SLC7A13: variants seen among roughly 807,000 people sequenced by gnomAD.
SLC7A13 encodes solute carrier family 7 member 13.
SLC7A13 carries 31 observed loss-of-function variants against 32.0 expected under a neutral mutation model. That is an observed-to-expected ratio of 0.97 (90% CI 0.73 to 1.31). The LOEUF (loss-of-function observed/expected upper bound fraction) is 1.31. Ranked by LOEUF, SLC7A13 falls within the 50% of genes most tolerant of loss-of-function variation. The pLI is 0.00. For missense variants in SLC7A13, 633 were observed against 546.9 expected (o/e 1.16, Z -1.57); for synonymous variants, 232 against 206.9 (o/e 1.12, Z -1.04).
At chr8:86,226,917 A>G (rs1820396411) in intron 1 of SLC7A13, among the ~76,000 whole-genome samples, 1 of 152,176 alleles carries the variant, frequency 6.6e-6, no homozygotes, top group Non-Finnish European at 1.5e-5. Flanking sequence ...TTGATTTCCA[A>G]GGTAATTATA....
chr8:86,226,632 G>A (rs1820391819), intron 1 of SLC7A13, among the ~76,000 whole-genome samples: 1 of 152,052 alleles, frequency 6.6e-6, no homozygotes, highest in Admixed American at 6.6e-5. Context: ...CCAACCCTAT[G>A]CCGTTTCATC....
At chr8:86,216,597 T>C (rs547871238) in intron 3 of SLC7A13, among the ~76,000 whole-genome samples, 40 of 152,242 alleles carry the variant, frequency 2.6e-4, no homozygotes, top group Non-Finnish European at 4.0e-4. Context: ...TCAACCATAG[T>C]TGGTGATGAG....
At chr8:86,217,999 T>C (rs1161604818) in intron 2 of SLC7A13, among the ~76,000 whole-genome samples, 168 bp from the exon 3 acceptor site, 3 of 152,190 alleles carry the variant, frequency 2.0e-5, no homozygotes, top group Non-Finnish European at 4.4e-5. Context: ...TAACACCTTA[T>C]AAAGGTGTCT....
chr8:86,215,454 A>C (rs1586141643), intron 3 of SLC7A13: 1 of 225,064 alleles, frequency 4.4e-6, no homozygotes, highest in East Asian at 1.6e-4. Context: ...TTGTGAGGTC[A>C]AGGTGGATGG....
At chr8:86,216,345 C>A (rs1820181723) in intron 3 of SLC7A13, among the ~76,000 whole-genome samples, 1 of 152,204 alleles carries the variant, frequency 6.6e-6, no homozygotes, top group African/African-American at 2.4e-5. Context: ...GCTCTCTGAG[C>A]ATCCTCTGCA....
chr8:86,224,294 T>C (rs1820353570), intron 1 of SLC7A13, among the ~76,000 whole-genome samples: 1 of 152,148 alleles, frequency 6.6e-6, no homozygotes, highest in South Asian at 2.1e-4. Context: ...TACTCTCTTA[T>C]GTGGAATGTT....
chr8:86,214,331 C>T lies in SLC7A13; in HGVS notation c.*82G>A, dbSNP rs1032524060. 4 of 756,472 alleles carry T rather than the reference C, an allele frequency of 5.3e-6. No homozygotes were observed. The highest frequency in any genetic ancestry group is 4.2e-6 in the Non-Finnish European group (2 of 474,564). The allele number at this position is 756,472 out of a possible 1,614,324, so 46.9% of individuals were successfully genotyped here. A position where few individuals can be genotyped will look rare whatever the true frequency, so the allele number is the denominator to read the frequency against. On this transcript the variant is annotated 3_prime_UTR_variant, in exon 4 of 4. Transcript: ENST00000297524. ...CCATAGGAATTTCACCATGAATGTT[C>T]TATCATATGTTTAACCTTGATTTGG...
intron 1 of SLC7A13, 89 bp from the exon 2 acceptor site, chr8:86,223,192 A>C: frequency 7.8e-7 from 1 of 1,279,770 alleles, no homozygotes; most frequent in Non-Finnish European, 1.0e-6. Context: ...TATTTGTATA[A>C]ATTAATGGGG....
intron 2 of SLC7A13, among the ~76,000 whole-genome samples, chr8:86,221,316 T>C (rs900080083): frequency 6.6e-6 from 1 of 152,152 alleles, no homozygotes; most frequent in Non-Finnish European, 1.5e-5. Flanking sequence ...TTATTGGATA[T>C]TTTTATGGTT....
At chr8:86,224,778 C>T (rs1344446571) in intron 1 of SLC7A13, among the ~76,000 whole-genome samples, 1 of 152,050 alleles carries the variant, frequency 6.6e-6, no homozygotes, top group Admixed American at 6.6e-5. Context: ...GAAAATTTAT[C>T]TCAAGAATTT....
At chr8:86,222,105 G>T (rs900362689) in intron 2 of SLC7A13, among the ~76,000 whole-genome samples, 6 of 151,984 alleles carry the variant, frequency 3.9e-5, no homozygotes, top group Admixed American at 3.9e-4. Context: ...ACCCTGCAGG[G>T]CAGTAACATA....
chr8:86,217,229 A>G lies in SLC7A13; in HGVS notation c.1179+241T>C, dbSNP rs1011316091. Among the ~76,000 whole-genome samples the G allele has an allele frequency of 2.6e-5, 4 of 152,178 alleles. 1 individual carries two copies. In the South Asian group the frequency reaches 8.3e-4, roughly 32 times the overall value. On this transcript the variant is annotated intron_variant, in intron 3 of 3. Coordinates refer to ENST00000297524, the MANE Select transcript of SLC7A13 (RefSeq NM_138817.3). ...CAAAAGACTCATAATGATCTGTCCA[A>G]CCACCCAGAGAACTATTTTTCTCTC...
At position 86,214,329 on chromosome 8, in the gene SLC7A13, T is replaced by C; in HGVS notation, c.*84A>G. On this transcript the variant is annotated 3_prime_UTR_variant, in exon 4 of 4. Transcript: ENST00000297524. ...TACCATAGGAATTTCACCATGAATG[T>C]TCTATCATATGTTTAACCTTGATTT... 1.3e-6 allele frequency: 1 copy of C among 748,044 alleles called. No homozygotes were observed. Among genetic ancestry groups the C allele is most frequent in the South Asian group, 1.9e-5 (1 of 51,422 alleles). The allele number at this position is 748,044 out of a possible 1,614,324, so 46.3% of individuals were successfully genotyped here.
chr8:86,227,505 T>G (rs932463527), intron 1 of SLC7A13, among the ~76,000 whole-genome samples: 2 of 152,200 alleles, frequency 1.3e-5, no homozygotes, highest in Non-Finnish European at 2.9e-5. Context: ...ATATCTATGC[T>G]TCTCTGCTCT....
In SLC7A13 at chr8:86,230,295, A is replaced by C. The variant is rs759581057; in HGVS notation, c.-18T>G. ...CTATCCATTGTAATTGAAGAGTTTT[A>C]AAATTCTATATAAATTACAATTTCT... On this transcript the variant is annotated 5_prime_UTR_variant, in exon 1 of 4. Coordinates refer to ENST00000297524, the MANE Select transcript of SLC7A13 (RefSeq NM_138817.3). 8 of 1,519,018 alleles carry C rather than the reference A, an allele frequency of 5.3e-6. No homozygotes were observed. The highest frequency in any genetic ancestry group is 1.8e-4 in the Middle Eastern group (1 of 5,648). The allele number at this position is 1,519,018 out of a possible 1,614,324, so 94.1% of individuals were successfully genotyped here.
At chr8:86,228,319 C>T (rs1466245332) in intron 1 of SLC7A13, among the ~76,000 whole-genome samples, 1 of 151,884 alleles carries the variant, frequency 6.6e-6, no homozygotes, top group Non-Finnish European at 1.5e-5. Context: ...GAGCCTCTTT[C>T]GGGCTCCTAT....
intron 3 of SLC7A13, 132 bp downstream of exon 3, chr8:86,217,335 AGAT>A: frequency 1.2e-6 from 1 of 815,564 alleles, no homozygotes; most frequent in Middle Eastern, 4.0e-4. Flanking sequence ...AACCAAGACT[AGAT>A]TATTCTCATG....
At position 86,228,869 on chromosome 8, in the gene SLC7A13, G is replaced by A. The variant is rs145148279; in HGVS notation, c.685+724C>T. Among the ~76,000 whole-genome samples the A allele has an allele frequency of 1.3e-3, 197 of 151,826 alleles. 4 individuals carry two copies. In the South Asian group the frequency reaches 0.025, roughly 19 times the overall value. ...CTCAAAAAAAAAAAAAATCTGAGGA[G>A]AGGGATCTCACTATTTTGCCCAGGT... On this transcript the variant is annotated intron_variant, in intron 1 of 3. Coordinates refer to ENST00000297524, the MANE Select transcript of SLC7A13 (RefSeq NM_138817.3).
chr8:86,222,097 C>T (rs1040228249), intron 2 of SLC7A13, among the ~76,000 whole-genome samples: 5 of 152,038 alleles, frequency 3.3e-5, no homozygotes, highest in African/African-American at 4.8e-5. Context: ...ATGGCATCAC[C>T]CTGCAGGGCA....
Sources: gnomAD v4.1 joint callset for allele counts (sites outside exome capture counted in the v4.1 genomes callset) on GRCh38, gnomAD v4.1.1 for gene constraint, MANE v1.5 for transcripts, NCBI Gene and HGNC (gene_info 2026-07-23, HGNC 2026-07-21) for gene names.